Variants in STK31 observed in about 807,000 individuals in gnomAD.
The protein encoded by STK31 is serine/threonine kinase 31.
Under a neutral mutation model 129.7 loss-of-function variants are expected in STK31, and 89 were observed. That is an observed-to-expected ratio of 0.69 (90% CI 0.58 to 0.82). The LOEUF (loss-of-function observed/expected upper bound fraction) is 0.82. STK31 is among the 40% of genes least tolerant of loss of function. STK31 has a pLI of 0.00. For missense variants in STK31, 1,187 were observed against 1,176.4 expected, an observed-to-expected ratio of 1.01 and a Z score of -0.13; for synonymous variants, 448 against 395.3, an observed-to-expected ratio of 1.13 and a Z score of -1.58.
At chr7:23,765,916 C>T (rs1789794791) in intron 11 of STK31, among the ~76,000 whole-genome samples, 1 of 152,152 alleles carries the variant, frequency 6.6e-6, no homozygotes, top group Non-Finnish European at 1.5e-5. Flanking sequence ...ACCTCCTTCC[C>T]CAAACCAACC....
chr7:23,783,519 A>T, intron 16 of STK31, 64 bp from the exon 17 acceptor site: 4 of 1,190,488 alleles, frequency 3.4e-6, no homozygotes, highest in Non-Finnish European at 4.8e-6. Flanking sequence ...TTTCCTGAAG[A>T]GCAACATGTC....
At chr7:23,746,398 C>G (rs1788357325) in intron 8 of STK31, among the ~76,000 whole-genome samples, 1 of 152,166 alleles carries the variant, frequency 6.6e-6, no homozygotes, top group South Asian at 2.1e-4. Flanking sequence ...TCTCTTCTTT[C>G]TCCTTCCTTC....
chr7:23,800,349 A>G lies in STK31; in HGVS notation c.2760+9403A>G, dbSNP rs138578326. On this transcript the variant is annotated intron_variant, in intron 22 of 23. Transcript: ENST00000355870. ...ACCAACCCAAATACCCATCAGTGATAGACTGGATAAAGAAAATGTGGCACA... is the reference window on the plus strand; with the variant it reads ...ACCAACCCAAATACCCATCAGTGATGGACTGGATAAAGAAAATGTGGCACA... 9.0e-4 allele frequency among the ~76,000 whole-genome samples: 137 copies of G among 152,340 alleles called. 1 individual carries two copies. Among genetic ancestry groups the G allele is most frequent in the African/African-American group, 3.2e-3 (133 of 41,570 alleles).
intron 6 of STK31, among the ~76,000 whole-genome samples, chr7:23,733,967 A>G (rs767858548): frequency 1.3e-5 from 2 of 152,224 alleles, no homozygotes; most frequent in Middle Eastern, 3.2e-3. Flanking sequence ...GAATTCCTAC[A>G]TCGGTCTCAA....
At chr7:23,814,096 G>A (rs1462026647) in intron 22 of STK31, among the ~76,000 whole-genome samples, 2 of 142,266 alleles carry the variant, frequency 1.4e-5, no homozygotes, top group African/African-American at 5.3e-5. Flanking sequence ...ATCTACCTGG[G>A]CTGCTTTCTG....
intron 4 of STK31, chr7:23,721,768 G>A: frequency 1.5e-6 from 1 of 680,184 alleles, no homozygotes; most frequent in East Asian, 2.9e-5. Flanking sequence ...TTTCCCAAGT[G>A]TTTTGTCCAG....
intron 22 of STK31, among the ~76,000 whole-genome samples, chr7:23,810,113 G>A (rs771448740): frequency 6.6e-6 from 1 of 152,006 alleles, no homozygotes; most frequent in Non-Finnish European, 1.5e-5. Flanking sequence ...GGATTGTTAT[G>A]TCCTCTTAGT....
chr7:23,738,997 T>G (rs1390923192), intron 8 of STK31, among the ~76,000 whole-genome samples: 1 of 152,236 alleles, frequency 6.6e-6, no homozygotes, highest in Non-Finnish European at 1.5e-5. Context: ...TACCCAGTAA[T>G]GGTATTGCTG....
intron 8 of STK31, among the ~76,000 whole-genome samples, chr7:23,737,860 A>AGTGTGTGTGGGTGTGTGTGTGTGTGT (rs1787808450): frequency 1.3e-5 from 2 of 149,148 alleles, no homozygotes; most frequent in African/African-American, 5.0e-5. Context: ...GTGGTTGATA[A>AGTGTGTGTGGGTGTGTGTGTGTGTGT]GTGTGTGTGT....
rs138461341 is a variant in STK31, at chr7:23,819,829, A to C, written c.2829+4617A>C. On this transcript the variant is annotated intron_variant, in intron 23 of 23. Coordinates refer to ENST00000355870, the MANE Select transcript of STK31 (RefSeq NM_031414.5). ...GGATCATTTACATGTTCTAATACAA[A>C]TAATGTCCTTTGAAATGGAGGGATA... is the stretch of plus-strand genomic sequence containing the variant. Among the ~76,000 whole-genome samples the C allele has an allele frequency of 3.2e-4, 48 of 152,310 alleles. No homozygotes were observed. In the East Asian group the frequency reaches 8.3e-3, roughly 26 times the overall value.
chr7:23,818,593 C>T (rs896425052), intron 23 of STK31, among the ~76,000 whole-genome samples: 2 of 146,782 alleles, frequency 1.4e-5, no homozygotes, highest in African/African-American at 5.3e-5. Flanking sequence ...AGGGCTAGTT[C>T]CTTCTTCACT....
chr7:23,802,958 A>G (rs1792471640), intron 22 of STK31, among the ~76,000 whole-genome samples: 2 of 152,156 alleles, frequency 1.3e-5, no homozygotes, highest in South Asian at 2.1e-4. Flanking sequence ...TGTGAACTCC[A>G]TTTATTTAAA....
At chr7:23,742,112 T>G (rs1213241030) in intron 8 of STK31, among the ~76,000 whole-genome samples, 1 of 152,188 alleles carries the variant, frequency 6.6e-6, no homozygotes, top group African/African-American at 2.4e-5. Context: ...GTTTCCCTGT[T>G]GGTCCTTTGC....
At chr7:23,820,197 C>T (rs906075352) in intron 23 of STK31, among the ~76,000 whole-genome samples, 11 of 152,244 alleles carry the variant, frequency 7.2e-5, no homozygotes, top group African/African-American at 2.4e-4. Flanking sequence ...TACAGTCGTC[C>T]CTCTGTATAC....
At chr7:23,802,789 C>T (rs1792461317) in intron 22 of STK31, among the ~76,000 whole-genome samples, 1 of 152,200 alleles carries the variant, frequency 6.6e-6, no homozygotes, top group African/African-American at 2.4e-5. Context: ...GCTGGGATTA[C>T]AGGAGTGAGC....
intron 4 of STK31, among the ~76,000 whole-genome samples, chr7:23,717,898 A>G (rs1326153105): frequency 6.6e-6 from 1 of 152,172 alleles, no homozygotes; most frequent in Admixed American, 6.5e-5. Flanking sequence ...ATAGAGACAG[A>G]AAAAGTGAGT....
intron 11 of STK31, among the ~76,000 whole-genome samples, chr7:23,765,433 G>A (rs1000617336): frequency 3.3e-5 from 5 of 152,004 alleles, no homozygotes; most frequent in African/African-American, 1.2e-4. Context: ...ATTTTTGAAA[G>A]CACCCAACGT....
chr7:23,754,403 T>C lies in STK31; in HGVS notation c.1222T>C (p.Leu408=). 6.2e-7 allele frequency: 1 copy of C among 1,614,044 alleles called. No homozygotes were observed. The highest frequency in any genetic ancestry group is 8.5e-7 in the Non-Finnish European group (1 of 1,179,940). ...DEGCFTTPAS[L]NGLEIIWAEY... The stretch of plus-strand genomic sequence containing the variant: ...AGGGTGCTTTACTACTCCAGCTTCT[T>C]TGAATGGATTAGAGATAATATGGGC... The change falls in exon 10 of 24, where the codon TTG becomes CTG. Residue 408 remains leucine, a synonymous_variant. Coordinates refer to ENST00000355870, the MANE Select transcript of STK31 (RefSeq NM_031414.5).
At chr7:23,776,233 T>C (rs1790534021) in intron 15 of STK31, among the ~76,000 whole-genome samples, 1 of 152,266 alleles carries the variant, frequency 6.6e-6, no homozygotes, top group Non-Finnish European at 1.5e-5. Context: ...AGTTTGCCAG[T>C]ATTTTATTGA....
Sources: allele counts gnomAD v4.1 joint callset (sites outside exome capture counted in the v4.1 genomes callset), GRCh38; gene constraint gnomAD v4.1.1; transcripts MANE v1.5; gene names NCBI Gene and HGNC (gene_info 2026-07-23, HGNC 2026-07-21).